The following DNAH5 variants were observed in gnomAD, a reference collection of about 807,000 sequenced individuals.
DNAH5 encodes the protein dynein axonemal heavy chain 5.
Under a neutral mutation model 518.2 loss-of-function variants are expected in DNAH5, and 372 were observed. The observed-to-expected ratio is 0.72, with a 90% CI of 0.66 to 0.78. DNAH5 has a LOEUF of 0.78. Ranked by LOEUF, DNAH5 falls within the 30% of genes least tolerant of loss-of-function variation. The pLI, the probability that DNAH5 is intolerant of heterozygous loss-of-function variation, is 0.00. For missense variants in DNAH5, 5,523 were observed against 5,687.0 expected (o/e 0.97, Z 0.93); for synonymous variants, 2,039 against 2,025.9 (o/e 1.01, Z -0.17).
At chr5:13,897,027 C>T (rs1773997998) in intron 15 of DNAH5, among the ~76,000 whole-genome samples, 1 of 152,120 alleles carries the variant, frequency 6.6e-6, no homozygotes, top group Admixed American at 6.5e-5. Context: ...ATGCTGCATA[C>T]AATATCTCCC....
At chr5:14,008,885 C>T (rs574539470) in intron 1 of DNAH5, among the ~76,000 whole-genome samples, 15 of 152,298 alleles carry the variant, frequency 9.8e-5, no homozygotes, top group Admixed American at 5.9e-4. Context: ...AAAAAGAAAG[C>T]GTTCATTCCA....
At chr5:13,905,850 T>C (rs1345111105) in intron 12 of DNAH5, among the ~76,000 whole-genome samples, 1 of 152,222 alleles carries the variant, frequency 6.6e-6, no homozygotes, top group Non-Finnish European at 1.5e-5. Flanking sequence ...TTATTCATAG[T>C]TGTCAAAACT....
chr5:13,900,561 T>C (rs1201032939), intron 14 of DNAH5, 149 bp from the exon 15 acceptor site: 2 of 702,674 alleles, frequency 2.8e-6, no homozygotes, highest in Non-Finnish European at 4.9e-6. Flanking sequence ...CTCACTCTTC[T>C]CCTAAATCCA....
At chr5:13,841,973 A>T in intron 32 of DNAH5, 69 bp from the exon 33 acceptor site, 1 of 969,828 alleles carries the variant, frequency 1.0e-6, no homozygotes, top group South Asian at 1.4e-5. Context: ...CTAATTATTG[A>T]CTTGTCCTTC....
intron 1 of DNAH5, among the ~76,000 whole-genome samples, chr5:13,987,600 C>T (rs1039563713): frequency 2.0e-5 from 3 of 152,206 alleles, no homozygotes; most frequent in Non-Finnish European, 4.4e-5. Context: ...CGCCTGTAAT[C>T]CCAGCACTTT....
intron 1 of DNAH5, among the ~76,000 whole-genome samples, chr5:13,984,364 A>C (rs1430310438): frequency 6.6e-6 from 1 of 152,192 alleles, no homozygotes; most frequent in Non-Finnish European, 1.5e-5. Flanking sequence ...CTTGTGATTT[A>C]TCCACATTGA....
chr5:13,809,496 A>G (rs1580358763), intron 45 of DNAH5, among the ~76,000 whole-genome samples: 1 of 152,232 alleles, frequency 6.6e-6, no homozygotes, highest in East Asian at 1.9e-4. Flanking sequence ...GTGTGTATCT[A>G]AAATCATTAG....
intron 1 of DNAH5, among the ~76,000 whole-genome samples, chr5:13,996,486 C>G (rs957990009): frequency 6.6e-6 from 1 of 152,108 alleles, no homozygotes; most frequent in South Asian, 2.1e-4. Flanking sequence ...TTCATGTGAA[C>G]CTATGAAATC....
chr5:13,807,813 C>T, intron 46 of DNAH5, 88 bp from the exon 47 acceptor site: 7 of 1,103,220 alleles, frequency 6.3e-6, no homozygotes, highest in Non-Finnish European at 9.4e-6. Flanking sequence ...TATGCTGAAT[C>T]TTCAACCCCT....
intron 21 of DNAH5, among the ~76,000 whole-genome samples, chr5:13,878,888 G>GA (rs962579423): frequency 6.6e-6 from 1 of 152,178 alleles, no homozygotes. Context: ...TGTGAAGACA[G>GA]AAAAAATTGG....
Position 13,729,422 on chromosome 5 carries a change from ATT to A in DNAH5, c.11883+15_11883+16del. On this transcript the variant is annotated intron_variant, in intron 69 of 78. Coordinates refer to ENST00000265104, the MANE Select transcript of DNAH5 (RefSeq NM_001369.3). ...CTCAACATGACATCAGCTTAAGTTG[ATT>A]CAAAGCACAGTTACCTGGTCAAGGA... 6.2e-7 allele frequency: 1 copy of A among 1,613,826 alleles called. No homozygotes were observed. Among genetic ancestry groups the A allele is most frequent in the Non-Finnish European group, 8.5e-7 (1 of 1,179,782 alleles).
intron 43 of DNAH5, among the ~76,000 whole-genome samples, chr5:13,813,227 T>C (rs1409424394): frequency 6.6e-6 from 1 of 152,170 alleles, no homozygotes; most frequent in Non-Finnish European, 1.5e-5. Flanking sequence ...AAAGTAAAGG[T>C]CTTATTCAGT....
intron 1 of DNAH5, among the ~76,000 whole-genome samples, chr5:13,966,696 T>G (rs558432590): frequency 6.6e-6 from 1 of 152,230 alleles, no homozygotes; most frequent in Non-Finnish European, 1.5e-5. Context: ...AGCCCACTTT[T>G]TGATGGGATT....
intron 65 of DNAH5, among the ~76,000 whole-genome samples, chr5:13,740,862 T>C (rs1347366749): frequency 1.3e-5 from 2 of 152,208 alleles, no homozygotes; most frequent in African/African-American, 2.4e-5. Flanking sequence ...CACCAGTGTC[T>C]GTACCTTTTA....
At chr5:13,825,877 A>C (rs890047990) in intron 38 of DNAH5, among the ~76,000 whole-genome samples, 18 of 152,148 alleles carry the variant, frequency 1.2e-4, no homozygotes, top group African/African-American at 3.9e-4. Context: ...TACCACAACA[A>C]AAAAAATGTA....
chr5:13,737,532 A>C, intron 65 of DNAH5, 37 bp from the exon 66 acceptor site: 1 of 1,605,032 alleles, frequency 6.2e-7, no homozygotes, highest in Non-Finnish European at 8.5e-7. Context: ...TACCTCAATT[A>C]ACAACTCTTG....
In DNAH5 at chr5:13,758,908, C is replaced by T; in HGVS notation, c.10357G>A (p.Asp3453Asn). ...DLQKAQAELDDKQAELDVVQA... is the reference protein window; with the variant it reads ...DLQKAQAELDNKQAELDVVQA... ...ACCACGTCAAGTTCCGCCTGCTTGTCATCCAACTCGGCCTGGGCTTTCTGC... is the reference window on the plus strand; with the variant it reads ...ACCACGTCAAGTTCCGCCTGCTTGTTATCCAACTCGGCCTGGGCTTTCTGC... The change falls in exon 61 of 79, where the codon GAC (aspartate) becomes AAC (asparagine). Residue 3453 changes from aspartate to asparagine, a missense_variant. By Grantham distance (23) the Asp-to-Asn change is conservative. Transcript: ENST00000265104. 1 of 1,614,170 alleles carries T rather than the reference C, an allele frequency of 6.2e-7. No homozygotes were observed. Among genetic ancestry groups the T allele is most frequent in the Non-Finnish European group, 8.5e-7 (1 of 1,180,024 alleles).
At chr5:13,825,735 T>C (rs947925298) in intron 38 of DNAH5, among the ~76,000 whole-genome samples, 2 of 152,198 alleles carry the variant, frequency 1.3e-5, no homozygotes, top group African/African-American at 2.4e-5. Context: ...TGTTGTTTAG[T>C]GGGCACAGAG....
At chr5:13,904,292 A>G (rs1048492652) in intron 12 of DNAH5, among the ~76,000 whole-genome samples, 1 of 150,322 alleles carries the variant, frequency 6.7e-6, no homozygotes, top group Non-Finnish European at 1.5e-5. Flanking sequence ...TAAACTTGCA[A>G]TTAAAGGAAA....
Sources: gnomAD v4.1 joint callset for allele counts (sites outside exome capture counted in the v4.1 genomes callset) on GRCh38, gnomAD v4.1.1 for gene constraint, MANE v1.5 for transcripts, NCBI Gene and HGNC (gene_info 2026-07-23, HGNC 2026-07-21) for gene names.